SH3GL3: variants seen among roughly 807,000 people sequenced by gnomAD.
SH3GL3 encodes the protein SH3 domain containing GRB2 like 3, endophilin A3, also known as endophilin-A3.
SH3GL3 carries 33 observed loss-of-function variants against 47.7 expected under a neutral mutation model. That is an observed-to-expected ratio of 0.69 (90% CI 0.52 to 0.92). The LOEUF (loss-of-function observed/expected upper bound fraction) is 0.92, where lower values mean the gene tolerates loss of function less well. SH3GL3 is among the 40% of genes least tolerant of loss of function. The pLI, the probability that SH3GL3 is intolerant of heterozygous loss-of-function variation, is 0.00. For missense variants in SH3GL3, 363 were observed against 417.8 expected (o/e 0.87, Z 1.14); for synonymous variants, 155 against 148.8 (o/e 1.04, Z -0.30).
At chr15:83,538,972 C>T (rs1050033322) in intron 1 of SH3GL3, among the ~76,000 whole-genome samples, 28 of 152,268 alleles carry the variant, frequency 1.8e-4, no homozygotes, top group African/African-American at 6.7e-4. Flanking sequence ...TATACTCCTA[C>T]AAATACTGTA....
chr15:83,541,131 T>C (rs797004741), intron 1 of SH3GL3, among the ~76,000 whole-genome samples: 5 of 152,214 alleles, frequency 3.3e-5, no homozygotes, highest in African/African-American at 1.2e-4. Context: ...TTCTTTTTTA[T>C]GGCTGAATAT....
Position 83,618,616 on chromosome 15 carries a change from T to C in SH3GL3, c.*329T>C, listed in dbSNP as rs574427666. On this transcript the variant is annotated 3_prime_UTR_variant, in exon 9 of 9. Coordinates refer to ENST00000427482, the MANE Select transcript of SH3GL3 (RefSeq NM_003027.5). ...CCTCAGCTGCAATGAAATGGTAACA[T>C]TTGAAACTAAGAAATGCTAAATATT... 7.6e-6 allele frequency: 2 copies of C among 262,406 alleles called. No individual in the cohort carries two copies. The highest frequency in any genetic ancestry group is 4.4e-5 in the African/African-American group (2 of 45,764). 16.3% of individuals were successfully genotyped at this position (262,406 alleles called of 1,614,324 possible). A position where few individuals can be genotyped will look rare whatever the true frequency, so the allele number is the denominator to read the frequency against.
chr15:83,516,638 A>G (rs2042990185), intron 1 of SH3GL3, among the ~76,000 whole-genome samples: 1 of 152,028 alleles, frequency 6.6e-6, no homozygotes, highest in South Asian at 2.1e-4. Context: ...AAGGTGCCAT[A>G]CACTTTTAAA....
intron 8 of SH3GL3, among the ~76,000 whole-genome samples, chr15:83,607,768 T>C (rs779544464): frequency 3.6e-4 from 54 of 152,068 alleles, no homozygotes; most frequent in Non-Finnish European, 5.9e-4. Flanking sequence ...CTGATCACTA[T>C]GCCAATGGCC....
chr15:83,563,570 A>G (rs1002647869), intron 2 of SH3GL3, among the ~76,000 whole-genome samples: 4 of 152,136 alleles, frequency 2.6e-5, no homozygotes, highest in African/African-American at 4.8e-5. Flanking sequence ...AATGTAAAGC[A>G]TCTCCTTTTT....
At chr15:83,523,032 A>G (rs1468640270) in intron 1 of SH3GL3, among the ~76,000 whole-genome samples, 1 of 152,250 alleles carries the variant, frequency 6.6e-6, no homozygotes, top group East Asian at 1.9e-4. Context: ...GTAAATTTAA[A>G]ATGTCTTCAA....
intron 1 of SH3GL3, among the ~76,000 whole-genome samples, chr15:83,471,710 A>T (rs920062560): frequency 4.6e-5 from 7 of 152,222 alleles, no homozygotes; most frequent in African/African-American, 1.4e-4. Flanking sequence ...AAACTTGATT[A>T]AATTTGTCTA....
intron 3 of SH3GL3, among the ~76,000 whole-genome samples, chr15:83,568,302 T>C (rs745559735): frequency 6.6e-6 from 1 of 152,160 alleles, no homozygotes; most frequent in Non-Finnish European, 1.5e-5. Context: ...CCATCATTTC[T>C]ATGGTTCATC....
At chr15:83,621,279 C>T (rs2060914944), downstream of SH3GL3, among the ~76,000 whole-genome samples, 1 of 152,194 alleles carries the variant, frequency 6.6e-6, no homozygotes, top group African/African-American at 2.4e-5. Context: ...TTTCAATAAG[C>T]CTCCCTCACT....
intron 8 of SH3GL3, among the ~76,000 whole-genome samples, chr15:83,607,876 TA>T (rs1284320297): frequency 6.4e-5 from 9 of 139,656 alleles, no homozygotes; most frequent in African/African-American, 2.5e-4. Context: ...ATAATAATAA[TA>T]ATACAAACAA....
chr15:83,627,239 T>C, the SH3GL3 span, among the ~76,000 whole-genome samples: 8 of 151,552 alleles, frequency 5.3e-5, no homozygotes, highest in Non-Finnish European at 1.2e-4. Flanking sequence ...CTACTAAAAA[T>C]ACAAAAAATT....
At chr15:83,576,980 G>A (rs115478673) in intron 6 of SH3GL3, among the ~76,000 whole-genome samples, 5,149 of 140,364 alleles carry the variant, frequency 0.037, 312 homozygotes, top group African/African-American at 0.13. Context: ...GCAGTGTCTC[G>A]GCTCACTACA....
intron 1 of SH3GL3, among the ~76,000 whole-genome samples, chr15:83,541,928 G>A (rs2044186476): frequency 6.6e-6 from 1 of 152,126 alleles, no homozygotes; most frequent in South Asian, 2.1e-4. Flanking sequence ...TTTTGACTTT[G>A]TTGATGTTGA....
intron 6 of SH3GL3, 57 bp downstream of exon 6, chr15:83,576,798 A>G: frequency 1.6e-6 from 2 of 1,242,526 alleles, no homozygotes; most frequent in Admixed American, 2.1e-5. Context: ...CATTGAATAT[A>G]TGACTATGAT....
At chr15:83,460,678 TTA>T (rs1369571404) in intron 1 of SH3GL3, among the ~76,000 whole-genome samples, 1 of 152,170 alleles carries the variant, frequency 6.6e-6, no homozygotes, top group Non-Finnish European at 1.5e-5. Flanking sequence ...CTTTAAAAAA[TTA>T]TATGTGTGCG....
At chr15:83,472,277 CT>C (rs1371905561) in intron 1 of SH3GL3, among the ~76,000 whole-genome samples, 1 of 152,194 alleles carries the variant, frequency 6.6e-6, no homozygotes, top group Non-Finnish European at 1.5e-5. Context: ...ACCACTGTTT[CT>C]TTGAGTGCTT....
At chr15:83,483,882 G>T (rs1173305697) in intron 1 of SH3GL3, among the ~76,000 whole-genome samples, 1 of 152,214 alleles carries the variant, frequency 6.6e-6, no homozygotes, top group Non-Finnish European at 1.5e-5. Flanking sequence ...CTGCCAGGAA[G>T]TTGGGAGTTG....
At chr15:83,627,298 GA>G in the SH3GL3 span, among the ~76,000 whole-genome samples, 1 of 151,750 alleles carries the variant, frequency 6.6e-6, no homozygotes, top group Non-Finnish European at 1.5e-5. Context: ...TGGGGAGGCT[GA>G]GGCCGGAGAA....
intron 1 of SH3GL3, among the ~76,000 whole-genome samples, chr15:83,531,442 A>G (rs1357652303): frequency 2.0e-5 from 3 of 152,238 alleles, no homozygotes; most frequent in Non-Finnish European, 4.4e-5. Context: ...AAAACGGCAG[A>G]AAGGAACAGG....
Sources: allele counts gnomAD v4.1 joint callset (sites outside exome capture counted in the v4.1 genomes callset), GRCh38; gene constraint gnomAD v4.1.1; transcripts MANE v1.5; gene names NCBI Gene and HGNC (gene_info 2026-07-23, HGNC 2026-07-21).